The following VILL variants were observed in gnomAD, a reference collection of about 807,000 sequenced individuals.
The protein encoded by VILL is villin-like protein.
In VILL, 102 loss-of-function variants were observed where a neutral mutation model predicts 106.3. That is an observed-to-expected ratio of 0.96 (90% CI 0.82 to 1.13). The LOEUF is 1.13. Ranked by LOEUF, VILL falls within the 50% of genes most tolerant of loss-of-function variation. VILL has a pLI of 0.00. For missense variants in VILL, 1,076 were observed against 1,116.6 expected, an observed-to-expected ratio of 0.96 and a Z score of 0.52; for synonymous variants, 431 against 440.3, an observed-to-expected ratio of 0.98 and a Z score of 0.27.
chr3:37,996,931 T>G, intron 5 of VILL, 146 bp from the exon 6 acceptor site: 1 of 672,044 alleles, frequency 1.5e-6, no homozygotes, highest in Non-Finnish European at 2.7e-6. Context: ...GTACACCCTG[T>G]GGAATGCAGC....
At chr3:37,994,127 C>A in intron 3 of VILL, 134 bp from the exon 4 acceptor site, 1 of 1,396,534 alleles carries the variant, frequency 7.2e-7, no homozygotes, top group East Asian at 2.4e-5. Context: ...GCTTCTTAGT[C>A]CTTCCCTCCC....
rs558254270 is a variant in VILL, at chr3:38,006,695, A to G, written c.2452A>G (p.Arg818Gly). 6.9e-6 allele frequency: 11 copies of G among 1,601,682 alleles called. No homozygotes were observed. Among genetic ancestry groups the G allele is most frequent in the Non-Finnish European group, 8.5e-6 (10 of 1,172,328 alleles). ...DLPEGVDPARREFYLSDSDFQ... is the reference protein window; with the variant it reads ...DLPEGVDPARGEFYLSDSDFQ... Reference sequence around the variant, plus strand: ...GCCAGAGGGCGTGGACCCTGCCCGCAGGGAGGTGGGCACCCCCTCACTGCC... The same window carrying G: ...GCCAGAGGGCGTGGACCCTGCCCGCGGGGAGGTGGGCACCCCCTCACTGCC... Residue 818 changes from arginine to glycine, a missense_variant, in exon 19 of 20, where the codon AGG (arginine) becomes GGG (glycine). Arg to Gly is a moderately radical substitution (Grantham distance 125). Coordinates refer to ENST00000383759, the MANE Select transcript of VILL (RefSeq NM_015873.4).
chr3:37,988,616 A>G (rs1373660284), upstream of VILL, among the ~76,000 whole-genome samples: 2 of 152,242 alleles, frequency 1.3e-5, no homozygotes, highest in East Asian at 3.8e-4. Flanking sequence ...TAATCCCAAC[A>G]CTTTGGGAGG....
In VILL at chr3:38,003,421, A is replaced by G. The variant is rs969994062; in HGVS notation, c.1805+108A>G. The G allele has an allele frequency of 4.3e-5, 58 of 1,352,844 alleles. No homozygotes were observed. The East Asian group carries it at 6.2e-4, about 14-fold the overall frequency. 83.8% of individuals were successfully genotyped at this position (1,352,844 alleles called of 1,614,324 possible). On this transcript the variant is annotated intron_variant, in intron 15 of 19. Coordinates refer to ENST00000383759, the MANE Select transcript of VILL (RefSeq NM_015873.4). ...AGAGAGCTGGCAAGACGAGACTAGA[A>G]CCAAGGACTCTCAGTTTCCCACTCA...
chr3:37,999,301 G>A (rs763915663), intron 10 of VILL, 38 bp from the exon 11 acceptor site: 2 of 1,142,424 alleles, frequency 1.8e-6, no homozygotes, highest in African/African-American at 1.7e-5. Context: ...TTGGGGGGGG[G>A]CAGAGGGCGC....
chr3:37,993,759 T>TCCA, intron 2 of VILL, 27 bp downstream of exon 2: 1 of 1,612,616 alleles, frequency 6.2e-7, no homozygotes. Flanking sequence ...AATAGGAGAG[T>TCCA]TGGTGACATG....
intron 5 of VILL, among the ~76,000 whole-genome samples, chr3:37,996,442 T>C (rs562933163): frequency 1.3e-5 from 2 of 152,206 alleles, no homozygotes; most frequent in South Asian, 4.1e-4. Context: ...AAATACTGGT[T>C]TTGTTAGAAC....
chr3:37,993,107 C>CA (rs1418681580), intron 1 of VILL, among the ~76,000 whole-genome samples: 10 of 152,330 alleles, frequency 6.6e-5, no homozygotes, highest in African/African-American at 2.4e-4. Flanking sequence ...CAAGACATAA[C>CA]AAAATCGACA....
Position 37,994,386 on chromosome 3 carries a change from G to C in VILL, c.261G>C (p.Leu87=). ...TCCAGCAGCGCCTACAGGACGAGCT[G>C]GGGGGCCAGACCGTGCTGCACCGCG... The part of the protein sequence containing the change: ...EAFQQRLQDE[L]GGQTVLHREA... The change falls in exon 4 of 20, where the codon CTG becomes CTC. Residue 87 remains leucine, a synonymous_variant. Coordinates refer to ENST00000383759, the MANE Select transcript of VILL (RefSeq NM_015873.4). The C allele has an allele frequency of 6.2e-7, 1 of 1,612,336 alleles. No individual in the cohort carries two copies. The highest frequency in any genetic ancestry group is 2.2e-5 in the East Asian group (1 of 44,862).
chr3:37,995,515 A>G (rs1374728914), intron 4 of VILL, among the ~76,000 whole-genome samples: 2 of 152,270 alleles, frequency 1.3e-5, no homozygotes, highest in Non-Finnish European at 2.9e-5. Flanking sequence ...GCATGTGTCC[A>G]CATGACTACG....
chr3:37,991,028 G>A (rs1014261561), intron 1 of VILL, 199 bp downstream of exon 1: 3 of 152,260 alleles, frequency 2.0e-5, no homozygotes, highest in Non-Finnish European at 4.4e-5. Flanking sequence ...GCAGCCCAAG[G>A]GGAAGAAAGT....
Position 38,003,163 on chromosome 3 carries a change from G to A in VILL, c.1660-5G>A. On this transcript the variant is annotated splice_polypyrimidine_tract_variant and splice_region_variant and intron_variant, in intron 14 of 19. Coordinates refer to ENST00000383759, the MANE Select transcript of VILL (RefSeq NM_015873.4). Reference sequence around the variant, plus strand: ...CAGGGCCTGAGCCATCTCTTTGCCTGCTAGGGCTGTAATGGTGATCAGCGT... The same window carrying A: ...CAGGGCCTGAGCCATCTCTTTGCCTACTAGGGCTGTAATGGTGATCAGCGT... 6.2e-7 allele frequency: 1 copy of A among 1,613,572 alleles called. No homozygotes were observed. The highest frequency in any genetic ancestry group is 8.5e-7 in the Non-Finnish European group (1 of 1,179,774).
At chr3:38,005,654 C>T (rs1699903412) in intron 16 of VILL, 138 bp from the exon 17 acceptor site, 2 of 896,432 alleles carry the variant, frequency 2.2e-6, no homozygotes, top group Non-Finnish European at 3.3e-6. Flanking sequence ...GGTACAGCCG[C>T]TTGCTGGGTG....
At chr3:37,989,408 G>A (rs7632911), upstream of VILL, among the ~76,000 whole-genome samples, 42,149 of 152,070 alleles carry the variant, frequency 0.28, 7,092 homozygotes, top group African/African-American at 0.47. Context: ...GAAGGAAACT[G>A]GAAAACAAAC....
At chr3:37,999,638 G>A (rs9883314) in intron 11 of VILL, among the ~76,000 whole-genome samples, 199 bp downstream of exon 11, 2,399 of 152,190 alleles carry the variant, frequency 0.016, 70 homozygotes, top group African/African-American at 0.054. Flanking sequence ...ACACAGCCAC[G>A]GGCACTCACA....
At chr3:38,006,728 T>C in intron 19 of VILL, 28 bp downstream of exon 19, 4 of 1,582,040 alleles carry the variant, frequency 2.5e-6, no homozygotes, top group Non-Finnish European at 3.4e-6. Context: ...GCCCCAGCAC[T>C]AGTGCATCTG....
In VILL at chr3:37,997,597, G is replaced by GATCA; in HGVS notation, c.676_677insATCA (p.Val226AspfsTer34). ...GGACCTCATGCAGATCATGGAGGCT[G>GATCA]TGCTGGGCCGCAGGGTGGGCAGCCT... On this transcript the variant is annotated frameshift_variant, in exon 7 of 20. Transcript: ENST00000383759. LOFTEE classifies it high-confidence loss of function. The surrounding 1 kb of genome is among the most constrained non-coding windows in gnomAD (Gnocchi z 4.7). 1 of 1,613,920 alleles carries GATCA rather than the reference G, an allele frequency of 6.2e-7. No homozygotes were observed. The highest frequency in any genetic ancestry group is 1.7e-5 in the Admixed American group (1 of 60,024).
In VILL at chr3:37,998,111, C is replaced by T. The variant is rs1699739440; in HGVS notation, c.786C>T (p.Asp262=). 1 of 1,612,704 alleles carries T rather than the reference C, an allele frequency of 6.2e-7. No homozygotes were observed. The highest frequency in any genetic ancestry group is 8.5e-7 in the Non-Finnish European group (1 of 1,179,370). ...CCAGTGTCTATGAGAAGGGCAAAGA[C>T]CTGGTGGTCCTGGAGTTGGCGACCC... is the stretch of plus-strand genomic sequence containing the variant. ...RLYHVYEKGK[D]LVVLELATPP... is the part of the protein sequence containing the mutation. Residue 262 remains aspartate, a synonymous_variant, in exon 8 of 20, where the codon GAC becomes GAT. Coordinates refer to ENST00000383759, the MANE Select transcript of VILL (RefSeq NM_015873.4). This position sits in a 1 kb window ranked among gnomAD's most constrained non-coding sequence, Gnocchi z 4.1.
At chr3:37,994,921 G>A (rs1699674170) in intron 4 of VILL, among the ~76,000 whole-genome samples, 2 of 152,204 alleles carry the variant, frequency 1.3e-5, no homozygotes, top group South Asian at 4.1e-4. Context: ...TGTAGCATGT[G>A]TTATTACTTC....
Sources: gnomAD v4.1 joint callset for allele counts (sites outside exome capture counted in the v4.1 genomes callset) on GRCh38, gnomAD v4.1.1 for gene constraint, Gnocchi (gnomAD v3.1) non-coding constraint, MANE v1.5 for transcripts, NCBI Gene and HGNC (gene_info 2026-07-23, HGNC 2026-07-21) for gene names.